PGR: variants seen among roughly 807,000 people sequenced by gnomAD.
PGR encodes nuclear receptor subfamily 3 group C member 3.
PGR carries 25 observed loss-of-function variants against 76.1 expected under a neutral mutation model. The observed-to-expected ratio is 0.33, with a 90% CI of 0.24 to 0.46. The LOEUF (loss-of-function observed/expected upper bound fraction) is 0.46, where lower values mean the gene tolerates loss of function less well. Among genes scored for constraint, PGR ranks in the 20% least tolerant of loss-of-function variants. PGR has a pLI of 1.00. For synonymous variants in PGR, 579 were observed against 535.0 expected (o/e 1.08, Z -1.14); for missense variants, 1,172 against 1,225.3 (o/e 0.96, Z 0.65).
Position 101,128,945 on chromosome 11 carries a change from C to G in PGR, c.126G>C (p.Ser42=). 1 of 1,610,160 alleles carries G rather than the reference C, an allele frequency of 6.2e-7. No individual in the cohort carries two copies. Among genetic ancestry groups the G allele is most frequent in the Non-Finnish European group, 8.5e-7 (1 of 1,177,410 alleles). ...TGGCCGAAACTTCAGGCAAGGTGTC[C>G]GAGGTCTGGCTCCCCGGGAACGGAC... ...AAGPFPGSQT[S]DTLPEVSAIP... The change falls in exon 1 of 8, where the codon TCG becomes TCC. Residue 42 remains serine (S), a synonymous_variant. Coordinates refer to ENST00000325455, the MANE Select transcript of PGR (RefSeq NM_000926.4).
chr11:101,119,717 T>A (rs1358269513), intron 2 of PGR, among the ~76,000 whole-genome samples: 1 of 152,178 alleles, frequency 6.6e-6, no homozygotes, highest in Non-Finnish European at 1.5e-5. Flanking sequence ...CTGTTCTGAA[T>A]AGAAGAAGGA....
chr11:101,100,284 C>T (rs763256962), intron 2 of PGR, among the ~76,000 whole-genome samples: 4 of 152,188 alleles, frequency 2.6e-5, no homozygotes, highest in Non-Finnish European at 4.4e-5. Flanking sequence ...ATTTCCCCTA[C>T]TGGCACTCAT....
At chr11:101,051,899 G>C (rs1344049578) in intron 4 of PGR, among the ~76,000 whole-genome samples, 5 of 152,106 alleles carry the variant, frequency 3.3e-5, no homozygotes, top group Non-Finnish European at 7.4e-5. Context: ...AGATGAGTAA[G>C]AGTCAATCCT....
rs768717215 is a variant in PGR at position 101,128,306 on chromosome 11, A to G, written c.765T>C (p.Ala255=). The G allele has an allele frequency of 6.3e-7, 1 of 1,593,780 alleles. No homozygotes were observed. The highest frequency in any genetic ancestry group is 8.5e-7 in the Non-Finnish European group (1 of 1,176,198). The change falls in exon 1 of 8, where the codon GCT becomes GCC. Residue 255 remains alanine, a synonymous_variant. Coordinates refer to ENST00000325455, the MANE Select transcript of PGR (RefSeq NM_000926.4). ...CTCCTGCTGCCGCCCCCGGCGGGAC[A>G]GCCGCGGCTCCTCCTCCAGCCGCCG... is the stretch of plus-strand genomic sequence containing the variant. ...GGAAAGGGAA[A]VPPGAAAGGV... is the part of the protein sequence containing the mutation.
At chr11:101,116,420 A>C (rs910025111) in intron 2 of PGR, among the ~76,000 whole-genome samples, 2 of 152,174 alleles carry the variant, frequency 1.3e-5, no homozygotes, top group African/African-American at 4.8e-5. Flanking sequence ...TTGGTGTGTA[A>C]TTGCAGCCCC....
At chr11:101,052,921 G>C (rs1461781129) in intron 4 of PGR, among the ~76,000 whole-genome samples, 1 of 152,096 alleles carries the variant, frequency 6.6e-6, no homozygotes, top group Non-Finnish European at 1.5e-5. Context: ...ACTTGCTAGG[G>C]AGAAAATAGT....
In PGR at chr11:101,107,865, T is replaced by TAAAAAAAAAA. The variant is rs56355097; in HGVS notation, c.1790-15999_1790-15990dup. On this transcript the variant is annotated intron_variant, in intron 2 of 7. Transcript: ENST00000325455. ...CCAGTCTTACTTGAAACTGGCTTTG[T>TAAAAAAAAAA]AAAAAAAAAAAAAAAGAAAGAAAAA... Among the ~76,000 whole-genome samples, 289 of 119,158 alleles carry TAAAAAAAAAA rather than the reference T, an allele frequency of 2.4e-3. 5 individuals carry two copies. Among genetic ancestry groups the TAAAAAAAAAA allele is most frequent in the African/African-American group, 5.4e-3 (164 of 30,260 alleles). The allele number at this position is 119,158 out of a possible 152,430, so 78.2% of individuals were successfully genotyped here.
At chr11:101,039,574 T>C (rs1277445712) in intron 7 of PGR, among the ~76,000 whole-genome samples, 1 of 151,984 alleles carries the variant, frequency 6.6e-6, no homozygotes, top group African/African-American at 2.4e-5. Context: ...TTTTTCTTTT[T>C]ATACATGTAT....
intron 3 of PGR, among the ~76,000 whole-genome samples, chr11:101,069,948 A>G (rs1860862746): frequency 6.6e-6 from 1 of 152,006 alleles, no homozygotes; most frequent in African/African-American, 2.4e-5. Context: ...GCACATGTAT[A>G]TCTATGTAAC....
chr11:101,033,351 C>G lies in PGR; in HGVS notation c.*5765G>C, dbSNP rs1859409127. ...ATGTTTGTATTAACTCTCCACATAC[C>G]TTTTTTGGTTATTCTCATGAATTTT... On this transcript the variant is annotated 3_prime_UTR_variant, in exon 8 of 8. Transcript: ENST00000325455. 1 of 199,196 alleles carries G rather than the reference C, an allele frequency of 5.0e-6. No homozygotes were observed. The highest frequency in any genetic ancestry group is 1.0e-5 in the Non-Finnish European group (1 of 96,430). 12.3% of individuals were successfully genotyped at this position (199,196 alleles called of 1,614,324 possible). A position where few individuals can be genotyped will look rare whatever the true frequency, so the allele number is the denominator to read the frequency against.
At chr11:101,047,986 G>C (rs774472696) in intron 6 of PGR, among the ~76,000 whole-genome samples, 27 of 152,230 alleles carry the variant, frequency 1.8e-4, no homozygotes, top group Non-Finnish European at 3.2e-4. Context: ...TTTTCCTGCA[G>C]CTTAAGTGCC....
intron 4 of PGR, among the ~76,000 whole-genome samples, chr11:101,058,707 A>G (rs1860379239): frequency 6.6e-6 from 1 of 152,212 alleles, no homozygotes; most frequent in Non-Finnish European, 1.5e-5. Context: ...ATTGATGTAC[A>G]GGATGAGGAC....
intron 2 of PGR, among the ~76,000 whole-genome samples, chr11:101,121,525 A>G (rs546542991): frequency 2.0e-5 from 3 of 152,372 alleles, no homozygotes; most frequent in Admixed American, 6.5e-5. Context: ...CTTTATTCAT[A>G]AAAGTATTTC....
Position 101,085,982 on chromosome 11 carries a change from TG to T in PGR, c.1906+5777del, listed in dbSNP as rs759233902. On this transcript the variant is annotated intron_variant, in intron 3 of 7. Transcript: ENST00000325455. ...AACTTACCAACCAAAAAGAAAGCCC[TG>T]GCCAGAGAGATTCACAGCTAAATTC... Among the ~76,000 whole-genome samples, 5 of 152,218 alleles carry T rather than the reference TG, an allele frequency of 3.3e-5. No individual in the cohort carries two copies. In the South Asian group the frequency reaches 1.0e-3, roughly 32 times the overall value.
intron 2 of PGR, among the ~76,000 whole-genome samples, chr11:101,112,475 A>G (rs1565364580): frequency 6.6e-6 from 1 of 152,068 alleles, no homozygotes; most frequent in African/African-American, 2.4e-5. Flanking sequence ...ACCCCAGAAA[A>G]ATGGGATTAT....
intron 3 of PGR, among the ~76,000 whole-genome samples, chr11:101,091,265 C>A (rs1400969714): frequency 1.3e-5 from 2 of 152,200 alleles, no homozygotes; most frequent in Non-Finnish European, 2.9e-5. Context: ...TATAACTCTT[C>A]ATCAAATGGA....
At position 101,059,842 on chromosome 11, in the gene PGR, C is replaced by CAAA. The variant is rs781123527; in HGVS notation, c.2212+2602_2212+2604dup. 3.3e-3 allele frequency among the ~76,000 whole-genome samples: 208 copies of CAAA among 62,692 alleles called. 10 individuals are homozygous for CAAA. The highest frequency in any genetic ancestry group is 0.025 in the South Asian group (38 of 1,538). The allele number at this position is 62,692 out of a possible 152,430, so 41.1% of individuals were successfully genotyped here. A position where few individuals can be genotyped will look rare whatever the true frequency, so the allele number is the denominator to read the frequency against. ...TGGGCAATAGAGTGAGACCCTCTCT[C>CAAA]AAAAAAAAAAAAAAAAAAAGAAAAA... On this transcript the variant is annotated intron_variant, in intron 4 of 7. Transcript: ENST00000325455.
intron 4 of PGR, among the ~76,000 whole-genome samples, chr11:101,054,665 A>C (rs561112870): frequency 6.6e-6 from 1 of 152,326 alleles, no homozygotes; most frequent in East Asian, 1.9e-4. Flanking sequence ...CCCAAGTTCC[A>C]GTCCTGGCTC....
At chr11:101,078,070 G>C (rs1044979522) in intron 3 of PGR, among the ~76,000 whole-genome samples, 6 of 152,168 alleles carry the variant, frequency 3.9e-5, no homozygotes, top group African/African-American at 1.2e-4. Flanking sequence ...TTGTAGCCTT[G>C]TTGGCTGTCA....
Sources: gnomAD v4.1 joint callset for allele counts (sites outside exome capture counted in the v4.1 genomes callset) on GRCh38, gnomAD v4.1.1 for gene constraint, MANE v1.5 for transcripts, NCBI Gene and HGNC (gene_info 2026-07-23, HGNC 2026-07-21) for gene names.